ABR: variants seen among roughly 807,000 people sequenced by gnomAD.
The protein encoded by ABR is active breakpoint cluster region-related protein.
In ABR, 35 loss-of-function variants were observed where a neutral mutation model predicts 107.2. The observed-to-expected ratio is 0.33, with a 90% CI of 0.25 to 0.43. The LOEUF (loss-of-function observed/expected upper bound fraction) is 0.43. Among genes scored for constraint, ABR ranks in the 20% least tolerant of loss-of-function variants. The pLI, the probability that ABR is intolerant of heterozygous loss-of-function variation, is 1.00. For missense variants in ABR, 815 were observed against 1,115.2 expected, an observed-to-expected ratio of 0.73 and a Z score of 3.83; for synonymous variants, 498 against 462.0, an observed-to-expected ratio of 1.08 and a Z score of -1.00.
intron 6 of ABR, among the ~76,000 whole-genome samples, chr17:1,076,858 C>T (rs965079033): frequency 2.4e-4 from 37 of 152,298 alleles, no homozygotes; most frequent in Middle Eastern, 6.8e-3. Flanking sequence ...GTGAGGCACT[C>T]GCTCTGGCCC....
chr17:1,013,411 GT>G (rs1567570691), intron 16 of ABR, among the ~76,000 whole-genome samples: 1 of 151,852 alleles, frequency 6.6e-6, no homozygotes, highest in Non-Finnish European at 1.5e-5. Context: ...GGCACACCCT[GT>G]TACCCGCCGT....
intron 1 of ABR, among the ~76,000 whole-genome samples, chr17:1,142,230 A>G (rs2040314290): frequency 6.6e-6 from 1 of 152,126 alleles, no homozygotes; most frequent in South Asian, 2.1e-4. Context: ...ATGTATAGGA[A>G]GGCCAAGAGC....
chr17:1,057,657 A>ATGTG (rs796583275), intron 12 of ABR, among the ~76,000 whole-genome samples: 2,848 of 37,402 alleles, frequency 0.076, 46 homozygotes, highest in African/African-American at 0.2. Flanking sequence ...GTATGTGTGT[A>ATGTG]TGTGTGTGTG....
chr17:1,152,959 G>A (rs1026145615), intron 1 of ABR, among the ~76,000 whole-genome samples: 8 of 152,072 alleles, frequency 5.3e-5, no homozygotes, highest in Non-Finnish European at 8.8e-5. Flanking sequence ...AGGCATGGTG[G>A]TGCACGCCTG....
At chr17:1,055,330 C>T (rs2033141946) in intron 14 of ABR, 1 of 152,230 alleles carries the variant, frequency 6.6e-6, no homozygotes, top group African/African-American at 2.4e-5. Context: ...AGCACACCAG[C>T]GTTGCACACA....
upstream of ABR, among the ~76,000 whole-genome samples, chr17:1,190,945 C>T (rs796916135): frequency 3.3e-5 from 5 of 152,334 alleles, no homozygotes; most frequent in African/African-American, 1.2e-4. Flanking sequence ...TCTGGGCCCT[C>T]ACGCTCCCAA....
At chr17:1,173,088 CCCATCATCTCAGCCCACCCA>C (rs1486354947) in intron 1 of ABR, among the ~76,000 whole-genome samples, 10 of 85,856 alleles carry the variant, frequency 1.2e-4, no homozygotes, top group African/African-American at 2.9e-4. Context: ...GTCCACCCCC[CCCATCATCTCAGCCCACCCA>C]ACACATCACC....
intron 2 of ABR, among the ~76,000 whole-genome samples, chr17:1,113,113 T>G (rs554916814): frequency 6.6e-5 from 10 of 151,840 alleles, no homozygotes; most frequent in African/African-American, 2.4e-4. Context: ...ACCCCGTGCC[T>G]ACCCTCGCGG....
At chr17:1,153,387 A>G (rs1530373) in intron 1 of ABR, among the ~76,000 whole-genome samples, 32,497 of 101,674 alleles carry the variant, frequency 0.32, 3,841 homozygotes, top group East Asian at 0.53. Flanking sequence ...AGGGCTGGGG[A>G]TCCAGGCACA....
At chr17:1,012,466 CAA>C (rs775018600) in intron 18 of ABR, 7 of 697,622 alleles carry the variant, frequency 1.0e-5, no homozygotes, top group East Asian at 5.4e-5. Context: ...TGGGATCTCA[CAA>C]GAGACCTTCC....
intron 4 of ABR, among the ~76,000 whole-genome samples, chr17:1,088,939 A>G (rs1317396015): frequency 7.6e-6 from 1 of 130,952 alleles, no homozygotes; most frequent in African/African-American, 3.0e-5. Context: ...TCTGTCATCC[A>G]GGCTGGAGTG....
At chr17:1,064,591 G>C (rs2034478120) in intron 10 of ABR, among the ~76,000 whole-genome samples, 2 of 117,270 alleles carry the variant, frequency 1.7e-5, no homozygotes, top group African/African-American at 3.2e-5. Context: ...GCTGTTATGT[G>C]AACTGAGGGC....
intron 2 of ABR, among the ~76,000 whole-genome samples, chr17:1,124,591 G>A (rs1211728615): frequency 6.6e-6 from 1 of 152,246 alleles, no homozygotes; most frequent in Non-Finnish European, 1.5e-5. Flanking sequence ...TCTATCCCTG[G>A]CCTGTCTCAG....
rs2072324185 is a variant in ABR at position 1,027,748 on chromosome 17, G to A, written c.1792-14584C>T. ...GTCTGTGGCTGAGGGGTCGCTATGG[G>A]GGTGTGTGTGAACAGAGAAGACGCA... On this transcript the variant is annotated intron_variant, in intron 16 of 22. Coordinates refer to ENST00000302538, the MANE Select transcript of ABR (RefSeq NM_021962.5). This position sits in a 1 kb window ranked among gnomAD's most constrained non-coding sequence, Gnocchi z 4.7. 6.6e-6 allele frequency among the ~76,000 whole-genome samples: 1 copy of A among 152,094 alleles called. No individual in the cohort carries two copies. Among genetic ancestry groups the A allele is most frequent in the Non-Finnish European group, 1.5e-5 (1 of 68,010 alleles).
intron 21 of ABR, among the ~76,000 whole-genome samples, chr17:1,008,385 A>G (rs2070229881): frequency 6.6e-6 from 1 of 152,244 alleles, no homozygotes; most frequent in Non-Finnish European, 1.5e-5. Context: ...CTTTGGAAAC[A>G]GGCAAACAAA....
At chr17:1,021,721 T>G (rs548138924) in intron 16 of ABR, among the ~76,000 whole-genome samples, 22 of 151,922 alleles carry the variant, frequency 1.4e-4, no homozygotes, top group African/African-American at 5.1e-4. Flanking sequence ...GGAGAATCGC[T>G]TGAACCCGGG....
At chr17:1,065,104 C>T (rs75621344) in intron 10 of ABR, among the ~76,000 whole-genome samples, 658 of 29,004 alleles carry the variant, frequency 0.023, no homozygotes, top group Middle Eastern at 0.036. Context: ...GCTGCTGTTA[C>T]GTGAACTGAG....
intron 16 of ABR, among the ~76,000 whole-genome samples, chr17:1,040,948 C>G (rs1487668487): frequency 2.0e-5 from 3 of 152,208 alleles, no homozygotes; most frequent in African/African-American, 7.2e-5. Context: ...GAGTCTCGCT[C>G]TGTAGCCCAG....
rs1009249009 is a variant in ABR, at chr17:1,092,577, G to C, written c.346-727C>G. Among the ~76,000 whole-genome samples, 1 of 152,176 alleles carries C rather than the reference G, an allele frequency of 6.6e-6. No homozygotes were observed. The highest frequency in any genetic ancestry group is 1.5e-5 in the Non-Finnish European group (1 of 68,038). On this transcript the variant is annotated intron_variant, in intron 3 of 22. Transcript: ENST00000302538. The surrounding 1 kb of genome is among the most constrained non-coding windows in gnomAD (Gnocchi z 4.6). ...CACAGACCAACCCCCAGCACTGGCC[G>C]GGAGCTGATGCCATCACCTTCCAGC...
Sources: gnomAD v4.1 joint callset for allele counts (sites outside exome capture counted in the v4.1 genomes callset) on GRCh38, gnomAD v4.1.1 for gene constraint, Gnocchi (gnomAD v3.1) non-coding constraint, MANE v1.5 for transcripts, NCBI Gene and HGNC (gene_info 2026-07-23, HGNC 2026-07-21) for gene names.